The following TMEM132C variants were observed in gnomAD, a reference collection of about 807,000 sequenced individuals.
TMEM132C encodes transmembrane protein 132C, also known as protein phosphatase 1, regulatory subunit 152.
TMEM132C carries 29 observed loss-of-function variants against 61.4 expected under a neutral mutation model. The ratio of observed to expected loss-of-function variants is 0.47; its 90% CI spans 0.35 to 0.64. TMEM132C has a LOEUF of 0.64. Ranked by LOEUF, TMEM132C falls within the 30% of genes least tolerant of loss-of-function variation. The pLI is 0.00. For missense variants in TMEM132C, 1,408 were observed against 1,476.9 expected (o/e 0.95, Z 0.76); for synonymous variants, 656 against 633.1 (o/e 1.04, Z -0.54).
At chr12:128,533,948 TACACACACACAC>T (rs55794743) in intron 2 of TMEM132C, among the ~76,000 whole-genome samples, 91 of 145,784 alleles carry the variant, frequency 6.2e-4, no homozygotes, top group Non-Finnish European at 1.3e-3. Flanking sequence ...CATGCGCACA[TACACACACACAC>T]ACACACACAC....
chr12:128,304,827 G>A (rs1029991909), intron 1 of TMEM132C, among the ~76,000 whole-genome samples: 2 of 152,134 alleles, frequency 1.3e-5, no homozygotes, highest in African/African-American at 4.8e-5. Flanking sequence ...AGGTGCATCT[G>A]GCCACTTCAG....
chr12:128,707,126 G>A lies in TMEM132C; in HGVS notation c.*831G>A, dbSNP rs887247209. 1 of 152,138 alleles carries A rather than the reference G, an allele frequency of 6.6e-6. No homozygotes were observed. The highest frequency in any genetic ancestry group is 2.4e-5 in the African/African-American group (1 of 41,410). The allele number at this position is 152,138 out of a possible 1,614,324, so 9.4% of individuals were successfully genotyped here. ...GAGGGAGCCCTCAGAGCCTTCTGGGGGAGGAGAGGAACTGTCCTTAATCCA... is the reference window on the plus strand; with the variant it reads ...GAGGGAGCCCTCAGAGCCTTCTGGGAGAGGAGAGGAACTGTCCTTAATCCA... On this transcript the variant is annotated 3_prime_UTR_variant, in exon 9 of 9. Transcript: ENST00000435159.
At chr12:128,409,857 TTAA>T (rs1868473163) in intron 1 of TMEM132C, among the ~76,000 whole-genome samples, 1 of 152,084 alleles carries the variant, frequency 6.6e-6, no homozygotes, top group African/African-American at 2.4e-5. Context: ...CCTGGAAGAG[TTAA>T]TAATGAACAC....
intron 4 of TMEM132C, among the ~76,000 whole-genome samples, chr12:128,648,769 T>G (rs2135607549): frequency 6.6e-6 from 1 of 152,002 alleles, no homozygotes; most frequent in Non-Finnish European, 1.5e-5. Context: ...TGTGAGTGTG[T>G]TTAGCTCAGT....
In TMEM132C at chr12:128,359,342, A is replaced by T. The variant is rs768146444; in HGVS notation, c.86-55390A>T. Among the ~76,000 whole-genome samples the T allele has an allele frequency of 7.9e-5, 12 of 151,872 alleles. 1 individual carries two copies. Among genetic ancestry groups the T allele is most frequent in the Admixed American group, 2.0e-4 (3 of 15,252 alleles). On this transcript the variant is annotated intron_variant, in intron 1 of 8. Coordinates refer to ENST00000435159, the MANE Select transcript of TMEM132C (RefSeq NM_001136103.3). The stretch of plus-strand genomic sequence containing the variant: ...GACAAGAGAGAGCATGTGCAGGGGA[A>T]CTCTCCTTTATAAAACCATCAGATC...
At chr12:128,606,377 C>A (rs1304138870) in intron 3 of TMEM132C, among the ~76,000 whole-genome samples, 1 of 152,220 alleles carries the variant, frequency 6.6e-6, no homozygotes, top group Non-Finnish European at 1.5e-5. Flanking sequence ...CCGGGAAGAA[C>A]TGGAAGCTCC....
At chr12:128,358,905 C>G (rs1873605545) in intron 1 of TMEM132C, among the ~76,000 whole-genome samples, 1 of 152,112 alleles carries the variant, frequency 6.6e-6, no homozygotes. Flanking sequence ...GAATGCTCAC[C>G]CTGGTACCAG....
At chr12:128,545,602 G>A (rs1181827448) in intron 3 of TMEM132C, among the ~76,000 whole-genome samples, 1 of 152,184 alleles carries the variant, frequency 6.6e-6, no homozygotes, top group Non-Finnish European at 1.5e-5. Context: ...CCTTTTCTCT[G>A]CAATGTCTCC....
At chr12:128,427,776 T>C (rs1370556633) in intron 2 of TMEM132C, among the ~76,000 whole-genome samples, 1 of 152,152 alleles carries the variant, frequency 6.6e-6, no homozygotes, top group Non-Finnish European at 1.5e-5. Context: ...CTCAGTACAA[T>C]GTGCAGGAGA....
chr12:128,267,433 G>T lies in TMEM132C; in HGVS notation c.31G>T (p.Ala11Ser). 1 of 1,247,502 alleles carries T rather than the reference G, an allele frequency of 8.0e-7. No homozygotes were observed. The highest frequency in any genetic ancestry group is 1.0e-6 in the Non-Finnish European group (1 of 997,078). 77.3% of individuals were successfully genotyped at this position (1,247,502 alleles called of 1,614,324 possible). The change falls in exon 1 of 9, where the codon GCG becomes TCG. Residue 11 changes from alanine to serine, a missense_variant. By Grantham distance (99) the Ala-to-Ser change is moderately conservative. Coordinates refer to ENST00000435159, the MANE Select transcript of TMEM132C (RefSeq NM_001136103.3). Reference protein sequence around the residue: MRSEGAAPGPAAPLCGALSLL... With the variant: MRSEGAAPGPSAPLCGALSLL... ...CTCCGAGGGTGCGGCCCCCGGGCCG[G>T]CGGCGCCGCTGTGCGGGGCGCTGAG...
At chr12:128,468,099 C>T (rs1004824960) in intron 2 of TMEM132C, among the ~76,000 whole-genome samples, 12 of 152,162 alleles carry the variant, frequency 7.9e-5, no homozygotes, top group Non-Finnish European at 4.4e-5. Flanking sequence ...AGTGCTGAAG[C>T]TCAGCAGGTG....
chr12:128,470,927 C>T (rs532914243), intron 2 of TMEM132C, among the ~76,000 whole-genome samples: 1 of 152,280 alleles, frequency 6.6e-6, no homozygotes, highest in South Asian at 2.1e-4. Flanking sequence ...AATCTGCCTA[C>T]CCCTGCCCTG....
intron 2 of TMEM132C, among the ~76,000 whole-genome samples, chr12:128,523,694 T>TAAACA: frequency 6.8e-6 from 1 of 146,566 alleles, no homozygotes; most frequent in South Asian, 2.2e-4. Context: ...TGTAAAAAAA[T>TAAACA]AAACAAAACA....
At chr12:128,522,945 T>G (rs1376712130) in intron 2 of TMEM132C, among the ~76,000 whole-genome samples, 2 of 152,148 alleles carry the variant, frequency 1.3e-5, no homozygotes, top group African/African-American at 4.8e-5. Flanking sequence ...CTCAAAGAGA[T>G]AGTTACACAA....
chr12:128,321,546 A>G (rs1872335509), intron 1 of TMEM132C, among the ~76,000 whole-genome samples: 1 of 151,906 alleles, frequency 6.6e-6, no homozygotes, highest in South Asian at 2.1e-4. Context: ...GTGTAGATAG[A>G]AATCTCTGTA....
At chr12:128,303,663 A>G (rs1268574543) in intron 1 of TMEM132C, among the ~76,000 whole-genome samples, 1 of 152,188 alleles carries the variant, frequency 6.6e-6, no homozygotes, top group Non-Finnish European at 1.5e-5. Flanking sequence ...GCTACGGTAG[A>G]TTGCAGAAAT....
At chr12:128,298,419 C>CT (rs200813358) in intron 1 of TMEM132C, among the ~76,000 whole-genome samples, 13,669 of 150,882 alleles carry the variant, frequency 0.091, 741 homozygotes, top group East Asian at 0.2. Flanking sequence ...TTTGTTTTAA[C>CT]TTTTTTTTTT....
At chr12:128,622,360 AATATATATATATATATATAT>A (rs767066742) in intron 4 of TMEM132C, among the ~76,000 whole-genome samples, 15 of 30,114 alleles carry the variant, frequency 5.0e-4, no homozygotes, top group African/African-American at 1.5e-3. Context: ...AAAAAAAAAA[AATATATATATATATATATAT>A]ATATATATAT....
chr12:128,501,692 G>T (rs145542915), intron 2 of TMEM132C, among the ~76,000 whole-genome samples: 2 of 152,132 alleles, frequency 1.3e-5, no homozygotes, highest in Non-Finnish European at 2.9e-5. Flanking sequence ...TGATTCAACC[G>T]CCAACCACAA....
Sources: gnomAD v4.1 joint callset for allele counts (sites outside exome capture counted in the v4.1 genomes callset) on GRCh38, gnomAD v4.1.1 for gene constraint, MANE v1.5 for transcripts, NCBI Gene and HGNC (gene_info 2026-07-23, HGNC 2026-07-21) for gene names.